Variants in VWA3A observed in about 807,000 individuals in gnomAD.
The protein encoded by VWA3A is von Willebrand factor A domain-containing protein 3A.
VWA3A carries 134 observed loss-of-function variants against 160.4 expected under a neutral mutation model. The observed-to-expected ratio is 0.84, with a 90% confidence interval of 0.73 to 0.96. The LOEUF is 0.96. Among genes scored for constraint, VWA3A ranks in the 40% least tolerant of loss-of-function variants. The probability of loss-of-function intolerance (pLI) is 0.00; values close to 1 mark genes in which losing one functional copy is unlikely to be tolerated. For missense variants in VWA3A, 1,310 were observed against 1,447.9 expected (o/e 0.90, Z 1.55); for synonymous variants, 476 against 543.4 (o/e 0.88, Z 1.72).
At chr16:22,101,613 A>G (rs1361939109) in intron 5 of VWA3A, among the ~76,000 whole-genome samples, 1 of 152,232 alleles carries the variant, frequency 6.6e-6, no homozygotes, top group Admixed American at 6.5e-5. Flanking sequence ...ATGAGAATCA[A>G]GAGAAAGGGG....
chr16:22,116,131 GGAAA>G (rs566655432), intron 9 of VWA3A, among the ~76,000 whole-genome samples: 7 of 142,430 alleles, frequency 4.9e-5, no homozygotes, highest in African/African-American at 1.8e-4. Flanking sequence ...AAGAAAGGAA[GGAAA>G]GAAAGGAGAG....
intron 20 of VWA3A, among the ~76,000 whole-genome samples, chr16:22,133,397 A>C (rs1260149180): frequency 6.6e-6 from 1 of 152,126 alleles, no homozygotes; most frequent in Non-Finnish European, 1.5e-5. Context: ...CATACCCACA[A>C]TCCCAGCAGT....
chr16:22,147,614 CA>C (rs2046276487), intron 27 of VWA3A: 1 of 703,150 alleles, frequency 1.4e-6, no homozygotes, highest in Non-Finnish European at 2.6e-6. Flanking sequence ...AGTCCATGGA[CA>C]GGGGCGTCAT....
At chr16:22,096,372 A>C (rs568278656) in intron 1 of VWA3A, among the ~76,000 whole-genome samples, 2 of 152,284 alleles carry the variant, frequency 1.3e-5, no homozygotes, top group East Asian at 3.9e-4. Context: ...GCTGAGGAGG[A>C]TCTCTTGAGG....
In VWA3A at chr16:22,116,880, G is replaced by A; in HGVS notation, c.924+13G>A. The A allele has an allele frequency of 6.2e-7, 1 of 1,608,424 alleles. No individual in the cohort carries two copies. On this transcript the variant is annotated intron_variant, in intron 10 of 33. Coordinates refer to ENST00000389398, the MANE Select transcript of VWA3A (RefSeq NM_173615.5). Reference sequence around the variant, plus strand: ...TCAGATGCCCCCTGTGAGTGCCCGAGATTCTCTGAGGTGCCCCTTGGCTTT... The same window carrying A: ...TCAGATGCCCCCTGTGAGTGCCCGAAATTCTCTGAGGTGCCCCTTGGCTTT...
intron 17 of VWA3A, 62 bp downstream of exon 17, chr16:22,126,359 G>A: frequency 6.3e-7 from 1 of 1,576,970 alleles, no homozygotes; most frequent in East Asian, 2.3e-5. Context: ...GCCGTCATTG[G>A]GCTGAGGCTT....
At chr16:22,138,066 C>G (rs1040005200) in intron 21 of VWA3A, among the ~76,000 whole-genome samples, 3 of 152,096 alleles carry the variant, frequency 2.0e-5, no homozygotes, top group Non-Finnish European at 4.4e-5. Context: ...AATGGGGAGA[C>G]GACACACCTA....
In VWA3A at chr16:22,131,191, T is replaced by C; in HGVS notation, c.1653-14T>C. 1 of 1,613,106 alleles carries C rather than the reference T, an allele frequency of 6.2e-7. No individual in the cohort carries two copies. The highest frequency in any genetic ancestry group is 8.5e-7 in the Non-Finnish European group (1 of 1,179,626). On this transcript the variant is annotated splice_polypyrimidine_tract_variant and intron_variant, in intron 17 of 33. Transcript: ENST00000389398. ...TCCCCCAGCCTAAGAACGAACTCTC[T>C]TTGCTTCTTAAAGGTTTGGAAGCAC...
At position 22,132,992 on chromosome 16, in the gene VWA3A, C is replaced by T; in HGVS notation, c.1965C>T (p.Asp655=). The T allele has an allele frequency of 6.2e-7, 1 of 1,614,002 alleles. No individual in the cohort carries two copies. The highest frequency in any genetic ancestry group is 1.3e-5 in the African/African-American group (1 of 75,038). The part of the protein sequence containing the change: ...CLFYVGEPKM[D]TTPPARYASH... ...TCTACGTGGGCGAGCCAAAGATGGA[C>T]ACCACACCCCCTGCCCGCTATGCCA... The change falls in exon 20 of 34, where the codon GAC becomes GAT. Residue 655 remains aspartate (D), a synonymous_variant. Coordinates refer to ENST00000389398, the MANE Select transcript of VWA3A (RefSeq NM_173615.5).
At chr16:22,100,528 A>G (rs575556454) in intron 5 of VWA3A, 35 bp downstream of exon 5, 1 of 1,538,706 alleles carries the variant, frequency 6.5e-7, no homozygotes, top group East Asian at 2.4e-5. Context: ...CCAACACCAC[A>G]GAACTCAAGA....
At position 22,155,891 on chromosome 16, in the gene VWA3A, A is replaced by T. The variant is rs769180601; in HGVS notation, c.3544A>T (p.Thr1182Ser). 6.2e-7 allele frequency: 1 copy of T among 1,613,920 alleles called. No homozygotes were observed. Among genetic ancestry groups the T allele is most frequent in the Non-Finnish European group, 8.5e-7 (1 of 1,179,896 alleles). The change falls in exon 33 of 34, where the codon ACT becomes TCT. Residue 1182 changes from threonine to serine, a missense_variant. Physicochemically the swap from Thr to Ser is moderately conservative, Grantham distance 58. Transcript: ENST00000389398. ...QKKNDAEPKV[T>S]LS Reference sequence around the variant, plus strand: ...GAAAAATGATGCAGAACCAAAGGTCACTCTTTCCTAGAGAAGTGTTCTCAG... The same window carrying T: ...GAAAAATGATGCAGAACCAAAGGTCTCTCTTTCCTAGAGAAGTGTTCTCAG...
At chr16:22,124,596 G>A (rs1322939741) in intron 16 of VWA3A, among the ~76,000 whole-genome samples, 2 of 149,300 alleles carry the variant, frequency 1.3e-5, no homozygotes, top group Non-Finnish European at 3.0e-5. Context: ...GTCTTGCTAT[G>A]TTGCCCAGGC....
At chr16:22,120,795 A>G (rs1459065616) in intron 12 of VWA3A, among the ~76,000 whole-genome samples, 173 bp from the exon 13 acceptor site, 1 of 152,180 alleles carries the variant, frequency 6.6e-6, no homozygotes, top group Non-Finnish European at 1.5e-5. Flanking sequence ...TGGAAATTCC[A>G]GAAATCTGCA....
rs72768903 is a variant in VWA3A, at chr16:22,120,769, C to T, written c.1117-199C>T. On this transcript the variant is annotated intron_variant, in intron 12 of 33. Transcript: ENST00000389398. ...CACTGTGAGAGCGAGTTGCTGGGTACTCCTTCCTCTTCCCCTGGAAATTCC... is the reference window on the plus strand; with the variant it reads ...CACTGTGAGAGCGAGTTGCTGGGTATTCCTTCCTCTTCCCCTGGAAATTCC... 8.5e-3 allele frequency among the ~76,000 whole-genome samples: 1,292 copies of T among 152,218 alleles called. 9 individuals carry two copies. The highest frequency in any genetic ancestry group is 0.013 in the Non-Finnish European group (869 of 68,014).
intron 19 of VWA3A, among the ~76,000 whole-genome samples, chr16:22,132,598 T>C (rs1188397806): frequency 2.0e-5 from 3 of 152,068 alleles, no homozygotes; most frequent in African/African-American, 7.2e-5. Flanking sequence ...CAGATCCTGG[T>C]TCAGTAGGTC....
chr16:22,115,918 GA>G (rs1276836720), intron 9 of VWA3A, among the ~76,000 whole-genome samples: 1 of 31,388 alleles, frequency 3.2e-5, no homozygotes, highest in African/African-American at 6.4e-4. Flanking sequence ...AGGAAGGAAG[GA>G]AGGAAAGGAA....
At chr16:22,129,259 G>A (rs953970070) in intron 17 of VWA3A, among the ~76,000 whole-genome samples, 1 of 151,728 alleles carries the variant, frequency 6.6e-6, no homozygotes, top group Admixed American at 6.6e-5. Flanking sequence ...CGTGGTGGTG[G>A]GCACCTGTAG....
Position 22,115,329 on chromosome 16 carries a change from G to C in VWA3A, c.690-18G>C. 1 of 1,574,742 alleles carries C rather than the reference G, an allele frequency of 6.4e-7. No individual in the cohort carries two copies. The highest frequency in any genetic ancestry group is 8.6e-7 in the Non-Finnish European group (1 of 1,162,718). On this transcript the variant is annotated intron_variant, in intron 8 of 33. Transcript: ENST00000389398. ...CAAACAGTCTTATAATTAGGTTGCT[G>C]TTGTTGTCTCCTCCCAGCCTCCAGG...
Position 22,126,245 on chromosome 16 carries a change from C to A in VWA3A, c.1600C>A (p.Arg534=), listed in dbSNP as rs370995399. The part of the protein sequence containing the change: ...MYIIHIQHSL[R]LLLEEQLSNK... ...CATTATTCATATCCAGCACTCCCTGCGGCTGCTGCTGGAGGAGCAGTTATC... is the reference window on the plus strand; with the variant it reads ...CATTATTCATATCCAGCACTCCCTGAGGCTGCTGCTGGAGGAGCAGTTATC... Residue 534 remains arginine (R), a synonymous_variant, in exon 17 of 34, where the codon CGG becomes AGG. Coordinates refer to ENST00000389398, the MANE Select transcript of VWA3A (RefSeq NM_173615.5). 3 of 1,613,820 alleles carry A rather than the reference C, an allele frequency of 1.9e-6. No homozygotes were observed. Among genetic ancestry groups the A allele is most frequent in the Middle Eastern group, 1.6e-4 (1 of 6,084 alleles).
Sources: gnomAD v4.1 joint callset for allele counts (sites outside exome capture counted in the v4.1 genomes callset) on GRCh38, gnomAD v4.1.1 for gene constraint, MANE v1.5 for transcripts, NCBI Gene and HGNC (gene_info 2026-07-23, HGNC 2026-07-21) for gene names.